SLC2A13: variants seen among roughly 807,000 people sequenced by gnomAD.
SLC2A13 encodes the protein solute carrier family 2 member 13.
SLC2A13 carries 32 observed loss-of-function variants against 64.4 expected under a neutral mutation model. The observed-to-expected ratio is 0.50, with a 90% CI of 0.37 to 0.67. SLC2A13 has a LOEUF of 0.67. Among genes scored for constraint, SLC2A13 ranks in the 30% least tolerant of loss-of-function variants. The pLI is 0.00. For synonymous variants in SLC2A13, 338 were observed against 327.1 expected (o/e 1.03, Z -0.36); for missense variants, 743 against 829.2 (o/e 0.90, Z 1.28).
At chr12:39,940,092 T>C (rs1266449822) in intron 4 of SLC2A13, among the ~76,000 whole-genome samples, 1 of 152,174 alleles carries the variant, frequency 6.6e-6, no homozygotes, top group African/African-American at 2.4e-5. Flanking sequence ...ATTCACTAAC[T>C]TCCAGCCAAT....
chr12:39,851,115 G>A (rs1366201113), intron 6 of SLC2A13, among the ~76,000 whole-genome samples: 1 of 152,052 alleles, frequency 6.6e-6, no homozygotes, highest in Non-Finnish European at 1.5e-5. Context: ...GGCCAGGCTG[G>A]TCTCGAACTC....
chr12:39,815,400 T>C (rs1942312034), intron 7 of SLC2A13, among the ~76,000 whole-genome samples: 1 of 152,202 alleles, frequency 6.6e-6, no homozygotes, highest in African/African-American at 2.4e-5. Flanking sequence ...TATAAAATCA[T>C]TTGGAAGAAT....
At chr12:39,909,252 TAA>T (rs1945367544) in intron 4 of SLC2A13, among the ~76,000 whole-genome samples, 1 of 152,136 alleles carries the variant, frequency 6.6e-6, no homozygotes, top group Non-Finnish European at 1.5e-5. Context: ...AATTCTTTTA[TAA>T]GTCATTTCTT....
intron 6 of SLC2A13, among the ~76,000 whole-genome samples, chr12:39,842,458 G>A (rs1943201548): frequency 6.6e-6 from 1 of 151,994 alleles, no homozygotes; most frequent in Admixed American, 6.6e-5. Context: ...AAACTGATCA[G>A]CATAGTGACT....
intron 3 of SLC2A13, among the ~76,000 whole-genome samples, chr12:39,976,108 G>C (rs1464551389): frequency 6.6e-6 from 1 of 152,186 alleles, no homozygotes; most frequent in African/African-American, 2.4e-5. Context: ...GCTGAAAACA[G>C]ACAGCCCACC....
intron 6 of SLC2A13, chr12:39,835,779 G>A (rs369130039): frequency 6.6e-6 from 1 of 152,062 alleles, no homozygotes; most frequent in Admixed American, 6.6e-5. Context: ...TAGAAATCAA[G>A]GCATTCTTGT....
chr12:39,951,418 T>G, intron 3 of SLC2A13, 53 bp from the exon 4 acceptor site: 1 of 1,423,636 alleles, frequency 7.0e-7, no homozygotes, highest in Non-Finnish European at 9.4e-7. Context: ...TTAGCTCTCA[T>G]AGTAATTATT....
At chr12:40,101,992 T>C (rs770508663) in intron 1 of SLC2A13, among the ~76,000 whole-genome samples, 1 of 152,162 alleles carries the variant, frequency 6.6e-6, no homozygotes, top group Non-Finnish European at 1.5e-5. Flanking sequence ...AATAAGCACT[T>C]TTCTGGCTAC....
At chr12:39,892,833 A>C (rs1414064884) in intron 4 of SLC2A13, among the ~76,000 whole-genome samples, 1 of 152,218 alleles carries the variant, frequency 6.6e-6, no homozygotes, top group East Asian at 1.9e-4. Context: ...TAAATAAGGA[A>C]AAACAACCAA....
chr12:39,911,485 G>A (rs1005788087), intron 4 of SLC2A13, among the ~76,000 whole-genome samples: 8 of 151,908 alleles, frequency 5.3e-5, no homozygotes, highest in African/African-American at 1.9e-4. Context: ...ACAAGTTAGA[G>A]AACAAAAGAA....
At chr12:40,015,021 G>T (rs1379615839) in intron 3 of SLC2A13, among the ~76,000 whole-genome samples, 1 of 152,094 alleles carries the variant, frequency 6.6e-6, no homozygotes. Flanking sequence ...ATTCCTGCTG[G>T]TATAATTTTA....
chr12:40,060,874 A>G (rs908558592), intron 1 of SLC2A13, among the ~76,000 whole-genome samples: 2 of 152,190 alleles, frequency 1.3e-5, no homozygotes, highest in Non-Finnish European at 2.9e-5. Context: ...AGTCATTAAC[A>G]GTTATCTTGT....
intron 1 of SLC2A13, among the ~76,000 whole-genome samples, chr12:40,096,719 A>C (rs920673606): frequency 3.3e-5 from 5 of 151,898 alleles, no homozygotes; most frequent in Non-Finnish European, 7.4e-5. Context: ...ACTGGTTTTA[A>C]TAATATATAC....
intron 4 of SLC2A13, among the ~76,000 whole-genome samples, chr12:39,946,313 A>C (rs1391781023): frequency 6.6e-6 from 1 of 152,144 alleles, no homozygotes; most frequent in Non-Finnish European, 1.5e-5. Flanking sequence ...TGGTGGTTTA[A>C]CGCTCTATTT....
intron 2 of SLC2A13, among the ~76,000 whole-genome samples, chr12:40,031,493 T>C (rs894909469): frequency 6.6e-6 from 1 of 152,234 alleles, no homozygotes; most frequent in Non-Finnish European, 1.5e-5. Flanking sequence ...AGTGCTGGGA[T>C]TACAGGCACG....
At chr12:39,945,578 T>C (rs531524426) in intron 4 of SLC2A13, among the ~76,000 whole-genome samples, 3 of 152,266 alleles carry the variant, frequency 2.0e-5, no homozygotes, top group Admixed American at 6.5e-5. Context: ...TTTGTTGGAT[T>C]GGATTAATTC....
intron 3 of SLC2A13, among the ~76,000 whole-genome samples, chr12:39,954,531 C>T (rs928257053): frequency 2.0e-5 from 3 of 152,016 alleles, no homozygotes; most frequent in Admixed American, 2.0e-4. Context: ...TTCCTACGAA[C>T]CAGAGTGAAA....
chr12:39,953,495 T>C (rs1307957986), intron 3 of SLC2A13, among the ~76,000 whole-genome samples: 3 of 152,172 alleles, frequency 2.0e-5, no homozygotes, highest in Non-Finnish European at 2.9e-5. Context: ...TTAATCTTTA[T>C]ATCACAGAAT....
chr12:40,038,771 G>GGGAAA (rs1948032757), intron 2 of SLC2A13, among the ~76,000 whole-genome samples: 2 of 146,032 alleles, frequency 1.4e-5, no homozygotes, highest in Non-Finnish European at 3.0e-5. Flanking sequence ...GGAAAGGGAA[G>GGGAAA]GGGAAAGGGA....
Sources: allele counts gnomAD v4.1 joint callset (sites outside exome capture counted in the v4.1 genomes callset), GRCh38; gene constraint gnomAD v4.1.1; transcripts MANE v1.5; gene names NCBI Gene and HGNC (gene_info 2026-07-23, HGNC 2026-07-21).